The following CALN1 variants were observed in gnomAD, a reference collection of about 807,000 sequenced individuals.
CALN1 encodes calneuron 1.
CALN1 carries 17 observed loss-of-function variants against 30.6 expected under a neutral mutation model. The observed-to-expected ratio is 0.56, with a 90% CI of 0.38 to 0.83. The LOEUF (loss-of-function observed/expected upper bound fraction) is 0.83. Among genes scored for constraint, CALN1 ranks in the 40% least tolerant of loss-of-function variants. The pLI, the probability that CALN1 is intolerant of heterozygous loss-of-function variation, is 0.00. For synonymous variants in CALN1, 156 were observed against 131.4 expected, an observed-to-expected ratio of 1.19 and a Z score of -1.28; for missense variants, 291 against 354.9, an observed-to-expected ratio of 0.82 and a Z score of 1.45.
chr7:72,142,636 C>T (rs1563093686), intron 3 of CALN1, among the ~76,000 whole-genome samples: 1 of 152,118 alleles, frequency 6.6e-6, no homozygotes, highest in Non-Finnish European at 1.5e-5. Flanking sequence ...AGTGGTTCTC[C>T]CAGCACGGAG....
chr7:72,184,504 GAC>G (rs1562703969), intron 3 of CALN1, among the ~76,000 whole-genome samples: 1 of 152,200 alleles, frequency 6.6e-6, no homozygotes, highest in African/African-American at 2.4e-5. Flanking sequence ...TAAGGTGCTT[GAC>G]ACAGTTCTGG....
chr7:71,810,465 C>G lies in CALN1; in HGVS notation c.529G>C (p.Glu177Gln). ...GCATGATAGAGAATGTGCTTCAACT[C>G]TTCCAGAGTTATCCTTTGCATGTCA... ...QFDMQRITLE[E>Q]LKHILYHAFR... Residue 177 changes from glutamate (E) to glutamine (Q), a missense_variant, in exon 6 of 7, where the codon GAG becomes CAG. Around this residue, in one of 2 missense-constraint regions of CALN1, gnomAD observed 169 missense variants for 251.7 expected, o/e 0.67. Coordinates refer to ENST00000395275, the MANE Select transcript of CALN1 (RefSeq NM_031468.4). 6.2e-7 allele frequency: 1 copy of G among 1,614,028 alleles called. No homozygotes were observed. Among genetic ancestry groups the G allele is most frequent in the Non-Finnish European group, 8.5e-7 (1 of 1,179,960 alleles).
chr7:72,370,885 A>G (rs1451695056), intron 2 of CALN1, among the ~76,000 whole-genome samples: 2 of 151,918 alleles, frequency 1.3e-5, no homozygotes, highest in Admixed American at 1.3e-4. Context: ...ATCTCTACTA[A>G]AAATACAAAA....
chr7:72,151,644 C>G (rs1221226705), intron 3 of CALN1, among the ~76,000 whole-genome samples: 1 of 152,144 alleles, frequency 6.6e-6, no homozygotes, highest in Non-Finnish European at 1.5e-5. Flanking sequence ...AGGGAACGTT[C>G]TGAATGTGCC....
At chr7:72,281,297 A>G (rs1248819620) in intron 2 of CALN1, among the ~76,000 whole-genome samples, 3 of 152,176 alleles carry the variant, frequency 2.0e-5, no homozygotes, top group South Asian at 2.1e-4. Context: ...CTGCAGAGAT[A>G]TAAGAAACAA....
chr7:71,846,782 A>C (rs1038137878), intron 5 of CALN1, among the ~76,000 whole-genome samples: 5 of 147,784 alleles, frequency 3.4e-5, no homozygotes, highest in Non-Finnish European at 7.4e-5. Flanking sequence ...ATAAATATAT[A>C]TACGTGTATA....
intron 2 of CALN1, among the ~76,000 whole-genome samples, chr7:72,400,823 C>T (rs1384686082): frequency 1.3e-5 from 2 of 152,230 alleles, no homozygotes; most frequent in African/African-American, 4.8e-5. Context: ...ATCTCCCTAA[C>T]ATGTTTCCCT....
chr7:72,126,088 C>T (rs1054542815), intron 3 of CALN1, among the ~76,000 whole-genome samples: 1 of 152,130 alleles, frequency 6.6e-6, no homozygotes, highest in African/African-American at 2.4e-5. Context: ...CGTGAGCCAC[C>T]GCGCCCAGCT....
intron 6 of CALN1, among the ~76,000 whole-genome samples, chr7:71,798,145 G>C (rs532605126): frequency 1.4e-5 from 2 of 140,328 alleles, no homozygotes; most frequent in Non-Finnish European, 3.1e-5. Flanking sequence ...GAGAGAGAGA[G>C]AGAGAGAGAG....
chr7:72,054,516 TATACATATATAC>T (rs1803106621), intron 4 of CALN1, among the ~76,000 whole-genome samples: 2 of 93,774 alleles, frequency 2.1e-5, no homozygotes, highest in African/African-American at 5.7e-5. Context: ...TATACATATA[TATACATATATAC>T]ATACATATAT....
At chr7:72,048,876 T>C (rs534635895) in intron 4 of CALN1, among the ~76,000 whole-genome samples, 4 of 152,022 alleles carry the variant, frequency 2.6e-5, no homozygotes, top group African/African-American at 9.7e-5. Flanking sequence ...GCCATGATTA[T>C]AGCTCTCTGC....
In CALN1 at chr7:71,780,605, T is replaced by A. The variant is rs1358718351; in HGVS notation, c.*7170A>T. On this transcript the variant is annotated 3_prime_UTR_variant, in exon 7 of 7. Coordinates refer to ENST00000395275, the MANE Select transcript of CALN1 (RefSeq NM_031468.4). The stretch of plus-strand genomic sequence containing the variant: ...CGACTGTTAATCTAATTCCTCACAA[T>A]CACCAAAGATCACGACTCTCTTCTT... The A allele has an allele frequency of 6.6e-6, 1 of 151,062 alleles. No homozygotes were observed. Among genetic ancestry groups the A allele is most frequent in the Non-Finnish European group, 1.5e-5 (1 of 67,868 alleles). The allele number at this position is 151,062 out of a possible 1,614,324, so 9.4% of individuals were successfully genotyped here. A position where few individuals can be genotyped will look rare whatever the true frequency, so the allele number is the denominator to read the frequency against.
At chr7:72,097,667 A>T (rs956207734) in intron 4 of CALN1, among the ~76,000 whole-genome samples, 1 of 151,628 alleles carries the variant, frequency 6.6e-6, no homozygotes, top group Non-Finnish European at 1.5e-5. Context: ...AAAAAAAATT[A>T]AACAGAATAC....
At chr7:71,813,047 C>G (rs1788057322) in intron 5 of CALN1, among the ~76,000 whole-genome samples, 1 of 151,972 alleles carries the variant, frequency 6.6e-6, no homozygotes, top group African/African-American at 2.4e-5. Context: ...CTCCCGAGTT[C>G]AAGTGATCCT....
chr7:72,316,309 G>C (rs1217603568), intron 2 of CALN1, among the ~76,000 whole-genome samples: 6 of 151,708 alleles, frequency 4.0e-5, no homozygotes, highest in Non-Finnish European at 4.4e-5. Context: ...GTAATATTAG[G>C]GTGGTGCAAA....
chr7:72,280,901 GGGAGACCTA>G (rs1456118691), intron 2 of CALN1, among the ~76,000 whole-genome samples: 1 of 152,112 alleles, frequency 6.6e-6, no homozygotes, highest in African/African-American at 2.4e-5. Context: ...CCAGCACTTT[GGGAGACCTA>G]GGCAGGTGGA....
intron 5 of CALN1, among the ~76,000 whole-genome samples, chr7:71,890,585 GAA>G (rs200382158): frequency 1.3e-5 from 2 of 151,564 alleles, no homozygotes; most frequent in African/African-American, 4.8e-5. Context: ...TTATTAAGAA[GAA>G]AAAAAATTAT....
chr7:71,834,030 T>TG (rs1789450636), intron 5 of CALN1, among the ~76,000 whole-genome samples: 1 of 151,960 alleles, frequency 6.6e-6, no homozygotes, highest in Non-Finnish European at 1.5e-5. Context: ...GAGACCATCC[T>TG]GGTCAACATG....
intron 5 of CALN1, among the ~76,000 whole-genome samples, chr7:71,900,905 C>T (rs2116940117): frequency 6.6e-6 from 1 of 152,276 alleles, no homozygotes; most frequent in South Asian, 2.1e-4. Flanking sequence ...TGCACGTGGG[C>T]CCAAGAGACC....
Sources: gnomAD v4.1 joint callset for allele counts (sites outside exome capture counted in the v4.1 genomes callset) on GRCh38, gnomAD v4.1.1 for gene constraint, gnomAD v4.1.1 regional missense constraint, MANE v1.5 for transcripts, NCBI Gene and HGNC (gene_info 2026-07-23, HGNC 2026-07-21) for gene names.